Variants in PIK3R1 observed in about 807,000 individuals in gnomAD.
PIK3R1 encodes the protein phosphatidylinositol 3-kinase regulatory subunit alpha.
In PIK3R1, 29 loss-of-function variants were observed where a neutral mutation model predicts 98.0. The observed-to-expected ratio is 0.30, with a 90% CI of 0.22 to 0.40. The LOEUF (loss-of-function observed/expected upper bound fraction) is 0.40. Among genes scored for constraint, PIK3R1 ranks in the 10% least tolerant of loss-of-function variants. The pLI, the probability that PIK3R1 is intolerant of heterozygous loss-of-function variation, is 1.00. For synonymous variants in PIK3R1, 282 were observed against 311.8 expected, an observed-to-expected ratio of 0.90 and a Z score of 1.01; for missense variants, 596 against 872.7, an observed-to-expected ratio of 0.68 and a Z score of 3.99.
At chr5:68,294,455 A>G (rs1561298887) in intron 11 of PIK3R1, 81 bp from the exon 12 acceptor site, 1 of 1,036,200 alleles carries the variant, frequency 9.7e-7, no homozygotes, top group Non-Finnish European at 1.4e-6. Context: ...AATAATACAG[A>G]TCAAATGTCC....
chr5:68,272,263 A>AG (rs1746394605), intron 2 of PIK3R1, among the ~76,000 whole-genome samples: 2 of 143,800 alleles, frequency 1.4e-5, no homozygotes, highest in Non-Finnish European at 3.0e-5. Flanking sequence ...AAAAAAAAAA[A>AG]AAAAAAAGAA....
At chr5:68,222,951 T>A (rs1263338814) in intron 1 of PIK3R1, among the ~76,000 whole-genome samples, 1 of 152,152 alleles carries the variant, frequency 6.6e-6, no homozygotes. Flanking sequence ...TTTTCTGTCC[T>A]ATGTTAAGTG....
chr5:68,266,186 G>C (rs866557770), intron 2 of PIK3R1, among the ~76,000 whole-genome samples: 9 of 152,086 alleles, frequency 5.9e-5, no homozygotes, highest in South Asian at 4.2e-4. Flanking sequence ...ACTAATCAGG[G>C]GATCCTTCAA....
Position 68,226,904 on chromosome 5 carries a change from A to G in PIK3R1, c.229A>G (p.Ile77Val), listed in dbSNP as rs749306548. ...CTTTCCGGGAACTTACGTAGAATAT[A>G]TTGGAAGGAAAAAAATCTCGCCTCC... ...GDFPGTYVEY[I>V]GRKKISPPTP... Residue 77 changes from isoleucine (I) to valine (V), a missense_variant, in exon 2 of 16, where the codon ATT becomes GTT. Physicochemically the swap from Ile to Val is conservative, Grantham distance 29. Around this residue, in one of 3 missense-constraint regions of PIK3R1, gnomAD observed 352 missense variants for 393.3 expected, o/e 0.90. Transcript: ENST00000521381. 9 of 1,613,960 alleles carry G rather than the reference A, an allele frequency of 5.6e-6. No individual in the cohort carries two copies. The African/African-American group carries it at 6.7e-5, about 12-fold the overall frequency.
chr5:68,294,789 A>G, intron 12 of PIK3R1, 111 bp downstream of exon 12: 1 of 393,944 alleles, frequency 2.5e-6, no homozygotes, highest in Non-Finnish European at 4.1e-6. Flanking sequence ...AGGAAGGGGA[A>G]TATCACTCTG....
intron 2 of PIK3R1, among the ~76,000 whole-genome samples, chr5:68,240,270 T>G (rs1032767614): frequency 3.3e-4 from 50 of 152,204 alleles, no homozygotes; most frequent in African/African-American, 1.1e-3. Flanking sequence ...AAAGCAGCTT[T>G]AGAGAAAGGA....
intron 7 of PIK3R1, among the ~76,000 whole-genome samples, chr5:68,284,791 AC>A (rs1246409986): frequency 6.6e-6 from 1 of 152,212 alleles, no homozygotes; most frequent in Non-Finnish European, 1.5e-5. Context: ...TCTTTGATAA[AC>A]TTCCAACTTT....
In PIK3R1 at chr5:68,262,551, G is replaced by C. The variant is rs1224472924; in HGVS notation, c.335-10839G>C. Among the ~76,000 whole-genome samples the C allele has an allele frequency of 7.7e-4, 82 of 105,828 alleles. 3 individuals are homozygous for C. The highest frequency in any genetic ancestry group is 3.1e-3 in the African/African-American group (77 of 25,224). 69.4% of individuals were successfully genotyped at this position (105,828 alleles called of 152,430 possible). On this transcript the variant is annotated intron_variant, in intron 2 of 15. Transcript: ENST00000521381. ...ATAGCTATATAGATACATATCTAAT[G>C]TATACATGTATACACATGTACCTAC...
intron 7 of PIK3R1, chr5:68,290,957 T>C (rs755732445): frequency 1.4e-5 from 9 of 656,970 alleles, no homozygotes; most frequent in Non-Finnish European, 2.3e-5. Flanking sequence ...TGATAAAAAT[T>C]AGTTTGCTCA....
chr5:68,275,900 C>A (rs1279229393), intron 4 of PIK3R1, among the ~76,000 whole-genome samples: 1 of 152,134 alleles, frequency 6.6e-6, no homozygotes, highest in Non-Finnish European at 1.5e-5. Flanking sequence ...ACATGGCAGA[C>A]AATAGCCCAC....
intron 2 of PIK3R1, among the ~76,000 whole-genome samples, chr5:68,272,687 T>G (rs1249382237): frequency 1.3e-5 from 2 of 152,186 alleles, no homozygotes; most frequent in Non-Finnish European, 2.9e-5. Flanking sequence ...ACACCACATT[T>G]TAAAAACTAC....
At chr5:68,232,285 G>T (rs753471068) in intron 2 of PIK3R1, among the ~76,000 whole-genome samples, 3 of 152,084 alleles carry the variant, frequency 2.0e-5, no homozygotes, top group African/African-American at 7.2e-5. Flanking sequence ...TGTTAACTTT[G>T]TTTCCCTAAA....
intron 2 of PIK3R1, among the ~76,000 whole-genome samples, chr5:68,262,410 ACG>A (rs1745798407): frequency 6.9e-6 from 1 of 145,826 alleles, no homozygotes; most frequent in Non-Finnish European, 1.5e-5. Flanking sequence ...ATATACACAC[ACG>A]CACACACACA....
At chr5:68,262,642 T>G (rs114941300) in intron 2 of PIK3R1, among the ~76,000 whole-genome samples, 4,194 of 121,320 alleles carry the variant, frequency 0.035, 96 homozygotes, top group South Asian at 0.053. Flanking sequence ...TACACATGTA[T>G]ACACATGTAT....
chr5:68,248,072 A>G (rs1462988917), intron 2 of PIK3R1, among the ~76,000 whole-genome samples: 2 of 151,620 alleles, frequency 1.3e-5, no homozygotes, highest in Non-Finnish European at 2.9e-5. Context: ...ATTCACTGCA[A>G]CCTCTGCATC....
At chr5:68,296,076 G>C in intron 14 of PIK3R1, 95 bp from the exon 15 acceptor site, 11 of 1,225,092 alleles carry the variant, frequency 9.0e-6, no homozygotes, top group Non-Finnish European at 1.3e-5. Context: ...TAGGGGCCAG[G>C]AGGGAAGTGA....
chr5:68,239,910 C>A (rs1158240702), intron 2 of PIK3R1: 1 of 501,858 alleles, frequency 2.0e-6, no homozygotes, highest in South Asian at 1.5e-5. Context: ...AGCAAAAGAA[C>A]CTCATCAGAA....
intron 2 of PIK3R1, among the ~76,000 whole-genome samples, chr5:68,254,348 G>A (rs1745432256): frequency 6.6e-6 from 1 of 152,170 alleles, no homozygotes; most frequent in Non-Finnish European, 1.5e-5. Context: ...ACTGAAAAGA[G>A]TTTCGAATCA....
chr5:68,254,594 G>C (rs561740846), intron 2 of PIK3R1, among the ~76,000 whole-genome samples: 7 of 152,222 alleles, frequency 4.6e-5, no homozygotes, highest in African/African-American at 1.7e-4. Flanking sequence ...ATTCTAAAGA[G>C]AGGGTTATGG....
Sources: gnomAD v4.1 joint callset for allele counts (sites outside exome capture counted in the v4.1 genomes callset) on GRCh38, gnomAD v4.1.1 for gene constraint, gnomAD v4.1.1 regional missense constraint, MANE v1.5 for transcripts, NCBI Gene and HGNC (gene_info 2026-07-23, HGNC 2026-07-21) for gene names.